CCSER2: variants seen among roughly 807,000 people sequenced by gnomAD.
CCSER2 encodes the protein serine-rich coiled-coil domain-containing protein 2.
CCSER2 carries 46 observed loss-of-function variants against 92.3 expected under a neutral mutation model. That is an observed-to-expected ratio of 0.50 (90% confidence interval 0.39 to 0.64). The LOEUF is 0.64. CCSER2 is among the 30% of genes least tolerant of loss of function. CCSER2 has a pLI of 0.00. For synonymous variants in CCSER2, 433 were observed against 431.4 expected, an observed-to-expected ratio of 1.00 and a Z score of -0.04; for missense variants, 1,244 against 1,238.9, an observed-to-expected ratio of 1.00 and a Z score of -0.06.
chr10:84,340,002 C>T (rs1020093329), intron 1 of CCSER2, among the ~76,000 whole-genome samples: 1 of 151,892 alleles, frequency 6.6e-6, no homozygotes, highest in African/African-American at 2.4e-5. Context: ...CCACCACGCC[C>T]GGCTAATTTT....
At chr10:84,373,559 T>C in intron 2 of CCSER2, 60 bp from the exon 3 acceptor site, 3 of 1,321,348 alleles carry the variant, frequency 2.3e-6, no homozygotes, top group Non-Finnish European at 3.2e-6. Context: ...AGCACTTATA[T>C]TTTTAGGACA....
intron 3 of CCSER2, among the ~76,000 whole-genome samples, chr10:84,388,295 A>G (rs567618510): frequency 6.6e-6 from 1 of 152,266 alleles, no homozygotes; most frequent in African/African-American, 2.4e-5. Flanking sequence ...TAAAGTCTCA[A>G]AGTTTGGTTT....
In CCSER2 at chr10:84,353,082, G is replaced by A. The variant is rs150453937; in HGVS notation, c.-39-17932G>A. ...GCTGGGATTACGGGCGTGAGCCACC[G>A]CGCCCAGCCTAAGATACAATTCTTA... On this transcript the variant is annotated intron_variant, in intron 1 of 9. Transcript: ENST00000372088. Among the ~76,000 whole-genome samples the A allele has an allele frequency of 7.4e-3, 1,124 of 152,310 alleles. 14 individuals are homozygous for A. Among genetic ancestry groups the A allele is most frequent in the African/African-American group, 0.026 (1,099 of 41,574 alleles).
At chr10:84,334,987 C>T (rs932204616) in intron 1 of CCSER2, among the ~76,000 whole-genome samples, 2 of 152,176 alleles carry the variant, frequency 1.3e-5, no homozygotes, top group Non-Finnish European at 2.9e-5. Context: ...TGTTACTGCT[C>T]TCCTCCCTGC....
chr10:84,394,161 A>G (rs1020827858), intron 3 of CCSER2, among the ~76,000 whole-genome samples: 2 of 152,178 alleles, frequency 1.3e-5, no homozygotes, highest in African/African-American at 2.4e-5. Context: ...AATGTTTCTT[A>G]TAGATTATGT....
At chr10:84,329,779 T>A (rs1216282960) in intron 1 of CCSER2, among the ~76,000 whole-genome samples, 1 of 152,252 alleles carries the variant, frequency 6.6e-6, no homozygotes, top group Non-Finnish European at 1.5e-5. Context: ...CCATATGTGA[T>A]AAAAATGTAA....
Position 84,426,202 on chromosome 10 carries a change from T to A in CCSER2, c.1868+309T>A, listed in dbSNP as rs143735080. Among the ~76,000 whole-genome samples the A allele has an allele frequency of 3.5e-4, 54 of 152,332 alleles. No individual in the cohort carries two copies. In the East Asian group the frequency reaches 9.1e-3, roughly 26 times the overall value. Reference sequence around the variant, plus strand: ...TGATTAAATGTTAACTGTGTTAAATTTCTTAGTTTTTCCAAATAATATTTA... The same window carrying A: ...TGATTAAATGTTAACTGTGTTAAATATCTTAGTTTTTCCAAATAATATTTA... On this transcript the variant is annotated intron_variant, in intron 5 of 9. Transcript: ENST00000372088.
intron 6 of CCSER2, among the ~76,000 whole-genome samples, chr10:84,457,259 A>ATATATT (rs1564684309): frequency 1.3e-3 from 71 of 54,962 alleles, no homozygotes; most frequent in South Asian, 4.1e-3. Flanking sequence ...TATTATATAA[A>ATATATT]ATATATTATA....
intron 9 of CCSER2, among the ~76,000 whole-genome samples, chr10:84,501,061 C>T (rs1266194869): frequency 6.6e-6 from 1 of 152,034 alleles, no homozygotes; most frequent in Non-Finnish European, 1.5e-5. Context: ...GTAGCAAGTT[C>T]GTTTGTTTAC....
intron 1 of CCSER2, among the ~76,000 whole-genome samples, chr10:84,348,422 G>A (rs1209116012): frequency 1.3e-5 from 2 of 152,068 alleles, no homozygotes; most frequent in South Asian, 2.1e-4. Context: ...GCTTCGGCTC[G>A]GCATCAGAGG....
intron 1 of CCSER2, among the ~76,000 whole-genome samples, chr10:84,339,722 G>A (rs895466109): frequency 1.3e-5 from 2 of 151,522 alleles, no homozygotes; most frequent in African/African-American, 2.4e-5. Flanking sequence ...TGATATGCCC[G>A]CCTTGGCCTC....
Position 84,467,437 on chromosome 10 carries a change from ACTCT to A in CCSER2, c.2149-2925_2149-2922del, listed in dbSNP as rs148677136. ...CCACCCATAAGTACTTCTAACACAG[ACTCT>A]CTCTCTCTCACCCCCCACATATGTG... On this transcript the variant is annotated intron_variant, in intron 7 of 9. Coordinates refer to ENST00000372088, the MANE Select transcript of CCSER2 (RefSeq NM_001284240.2). Among the ~76,000 whole-genome samples, 1,375 of 148,624 alleles carry A rather than the reference ACTCT, an allele frequency of 9.3e-3. 19 individuals are homozygous for A. Among genetic ancestry groups the A allele is most frequent in the African/African-American group, 0.032 (1,299 of 40,348 alleles).
At chr10:84,507,791 G>A (rs558855999) in intron 9 of CCSER2, among the ~76,000 whole-genome samples, 1 of 152,210 alleles carries the variant, frequency 6.6e-6, no homozygotes, top group African/African-American at 2.4e-5. Flanking sequence ...GTACTACTTT[G>A]CCTTTTTTCA....
intron 1 of CCSER2, among the ~76,000 whole-genome samples, chr10:84,348,367 A>C (rs1844658962): frequency 6.6e-6 from 1 of 152,192 alleles, no homozygotes. Context: ...CAGGAGAATC[A>C]GGCAGGGAGG....
At chr10:84,363,744 C>T (rs920211294) in intron 1 of CCSER2, among the ~76,000 whole-genome samples, 1 of 152,200 alleles carries the variant, frequency 6.6e-6, no homozygotes, top group Admixed American at 6.5e-5. Flanking sequence ...TTTCCTCTGA[C>T]ATTAGCCATT....
chr10:84,377,100 A>G (rs2133195985), intron 3 of CCSER2, among the ~76,000 whole-genome samples: 1 of 152,124 alleles, frequency 6.6e-6, no homozygotes, highest in African/African-American at 2.4e-5. Flanking sequence ...TCATGTGTAT[A>G]TTTACATTTT....
In CCSER2 at chr10:84,516,227, A is replaced by G. The variant is rs1353583592; in HGVS notation, c.*1960A>G. 1 of 152,236 alleles carries G rather than the reference A, an allele frequency of 6.6e-6. No homozygotes were observed. The highest frequency in any genetic ancestry group is 1.5e-5 in the Non-Finnish European group (1 of 68,044). 9.4% of individuals were successfully genotyped at this position (152,236 alleles called of 1,614,324 possible). A position where few individuals can be genotyped will look rare whatever the true frequency, so the allele number is the denominator to read the frequency against. On this transcript the variant is annotated 3_prime_UTR_variant, in exon 10 of 10. Transcript: ENST00000372088. ...TACCTATCAGATGAATTTGCCATTC[A>G]CTGGATAGAAACCATTCTTGGATTT... is the stretch of plus-strand genomic sequence containing the variant.
chr10:84,363,635 G>A (rs1845628341), intron 1 of CCSER2, among the ~76,000 whole-genome samples: 1 of 152,172 alleles, frequency 6.6e-6, no homozygotes, highest in Non-Finnish European at 1.5e-5. Flanking sequence ...CAGATGATGA[G>A]GTAATGGATA....
At chr10:84,370,185 A>T (rs1845989513) in intron 1 of CCSER2, among the ~76,000 whole-genome samples, 1 of 152,098 alleles carries the variant, frequency 6.6e-6, no homozygotes. Context: ...TGGTATTTCG[A>T]TACAAATTGC....
Sources: allele counts gnomAD v4.1 joint callset (sites outside exome capture counted in the v4.1 genomes callset), GRCh38; gene constraint gnomAD v4.1.1; transcripts MANE v1.5; gene names NCBI Gene and HGNC (gene_info 2026-07-23, HGNC 2026-07-21).